The following CHRM1 variants were observed in gnomAD, a reference collection of about 807,000 sequenced individuals.
CHRM1 encodes cholinergic receptor muscarinic 1, also known as muscarinic acetylcholine receptor M1.
Under a neutral mutation model 31.6 loss-of-function variants are expected in CHRM1, and 5 were observed. The ratio of observed to expected loss-of-function variants is 0.16; its 90% confidence interval spans 0.08 to 0.33. CHRM1 has a LOEUF of 0.33. CHRM1 is among the 10% of genes least tolerant of loss of function. The probability of loss-of-function intolerance (pLI) is 1.00; values close to 1 mark genes in which losing one functional copy is unlikely to be tolerated. For missense variants in CHRM1, 338 were observed against 610.3 expected (o/e 0.55, Z 4.70); for synonymous variants, 227 against 249.7 (o/e 0.91, Z 0.86).
chr11:62,915,201 A>G (rs999787600), intron 1 of CHRM1, among the ~76,000 whole-genome samples: 11 of 151,020 alleles, frequency 7.3e-5, no homozygotes, highest in Non-Finnish European at 1.3e-4. Context: ...AAAAAAAAAA[A>G]AAGCTTGACT....
chr11:62,921,831 T>C (rs2085936172), upstream of CHRM1: 1 of 140,874 alleles, frequency 7.1e-6, no homozygotes, highest in African/African-American at 2.6e-5. Context: ...CCCACCCAAC[T>C]ACACACCCTG....
At chr11:62,920,401 C>T (rs1051595157) in intron 1 of CHRM1, among the ~76,000 whole-genome samples, 6 of 152,190 alleles carry the variant, frequency 3.9e-5, no homozygotes, top group Non-Finnish European at 7.3e-5. Context: ...AGTTCCTGGC[C>T]CCTAGCCCAT....
intron 1 of CHRM1, among the ~76,000 whole-genome samples, chr11:62,912,121 C>T (rs1436638014): frequency 6.6e-6 from 1 of 151,838 alleles, no homozygotes; most frequent in Non-Finnish European, 1.5e-5. Context: ...GTAATCCCAG[C>T]ACTTTGGGAG....
intron 1 of CHRM1, among the ~76,000 whole-genome samples, chr11:62,919,746 C>T (rs539604411): frequency 5.9e-5 from 9 of 152,310 alleles, no homozygotes; most frequent in African/African-American, 2.2e-4. Flanking sequence ...GCTCTCCCAC[C>T]CCATCTTCCT....
Position 62,909,846 on chromosome 11 carries a change from C to A in CHRM1, c.1255G>T (p.Ala419Ser), listed in dbSNP as rs1449918441. The A allele has an allele frequency of 6.2e-7, 1 of 1,614,252 alleles. No individual in the cohort carries two copies. ...TCCCGGAAGGCTTTGTTGCAGAGTG[C>A]GTAGCACATGGGGTTGATGGTGCTG... ...VNSTINPMCYALCNKAFRDTF... is the reference protein window; with the variant it reads ...VNSTINPMCYSLCNKAFRDTF... Residue 419 changes from alanine to serine, a missense_variant, in exon 2 of 2, where the codon GCA (alanine) becomes TCA (serine). Ala to Ser is a moderately conservative substitution (Grantham distance 99). Around this residue, in one of 4 missense-constraint regions of CHRM1, gnomAD observed 68 missense variants for 108.5 expected, o/e 0.63. Transcript: ENST00000306960.
chr11:62,919,698 G>A (rs151289308), intron 1 of CHRM1, among the ~76,000 whole-genome samples: 1 of 152,282 alleles, frequency 6.6e-6, no homozygotes, highest in East Asian at 1.9e-4. Context: ...CCTGCTGGGA[G>A]CCCAAGCTTC....
chr11:62,921,859 G>C (rs549131256), upstream of CHRM1: 34 of 152,182 alleles, frequency 2.2e-4, no homozygotes, highest in African/African-American at 7.0e-4. Context: ...TCCCTGCTGT[G>C]AGAGAGCTAG....
intron 1 of CHRM1, 117 bp from the exon 2 acceptor site, chr11:62,911,295 C>T (rs1310383002): frequency 1.0e-5 from 6 of 599,204 alleles, no homozygotes; most frequent in East Asian, 2.8e-5. Flanking sequence ...GATAGCATCA[C>T]CCTCCCTTAC....
At chr11:62,921,532 T>C (rs2085933883), upstream of CHRM1, 1 of 152,438 alleles carries the variant, frequency 6.6e-6, no homozygotes, top group Admixed American at 6.5e-5. Flanking sequence ...GCACCCAATT[T>C]GAGCCCCAAG....
In CHRM1 at chr11:62,911,188, G is replaced by A; in HGVS notation, c.-78-10C>T. Reference sequence around the variant, plus strand: ...AGGGGAAAGTCATCACCTGAAAAGAGAGGACATGGGCTTTGGTTGGGCCAC... The same window carrying A: ...AGGGGAAAGTCATCACCTGAAAAGAAAGGACATGGGCTTTGGTTGGGCCAC... On this transcript the variant is annotated splice_polypyrimidine_tract_variant and intron_variant, in intron 1 of 1. Coordinates refer to ENST00000306960, the MANE Select transcript of CHRM1 (RefSeq NM_000738.3). 2 of 1,289,218 alleles carry A rather than the reference G, an allele frequency of 1.6e-6. No individual in the cohort carries two copies. Among genetic ancestry groups the A allele is most frequent in the Non-Finnish European group, 2.2e-6 (2 of 929,072 alleles). The allele number at this position is 1,289,218 out of a possible 1,614,324, so 79.9% of individuals were successfully genotyped here. A position where few individuals can be genotyped will look rare whatever the true frequency, so the allele number is the denominator to read the frequency against.
chr11:62,921,149 C>T, intron 1 of CHRM1, 69 bp downstream of exon 1: 1 of 152,908 alleles, frequency 6.5e-6, no homozygotes. Context: ...CTGCCCTCCC[C>T]CGCTCCCCAG....
At chr11:62,919,665 C>T (rs1037766601) in intron 1 of CHRM1, among the ~76,000 whole-genome samples, 6 of 152,136 alleles carry the variant, frequency 3.9e-5, no homozygotes, top group Non-Finnish European at 7.4e-5. Flanking sequence ...AGAAACCCAG[C>T]GCAATTCACC....
intron 1 of CHRM1, among the ~76,000 whole-genome samples, chr11:62,914,877 A>G (rs1315676908): frequency 6.6e-6 from 1 of 152,162 alleles, no homozygotes. Flanking sequence ...TGCAGCCTTT[A>G]AAGCTTGACT....
At chr11:62,915,731 C>A (rs1384122697) in intron 1 of CHRM1, among the ~76,000 whole-genome samples, 1 of 152,116 alleles carries the variant, frequency 6.6e-6, no homozygotes, top group East Asian at 1.9e-4. Context: ...TCATCCCCAG[C>A]TGTGAGGATG....
intron 1 of CHRM1, among the ~76,000 whole-genome samples, chr11:62,914,470 T>C (rs1458918317): frequency 6.6e-6 from 1 of 152,230 alleles, no homozygotes; most frequent in Non-Finnish European, 1.5e-5. Flanking sequence ...AGTTTTGCTG[T>C]ACCCTTTCCC....
At chr11:62,912,814 G>A (rs1265637167) in intron 1 of CHRM1, among the ~76,000 whole-genome samples, 1 of 152,230 alleles carries the variant, frequency 6.6e-6, no homozygotes, top group Non-Finnish European at 1.5e-5. Context: ...CCTCAGCTGT[G>A]GCCTCCAGGG....
At position 62,910,231 on chromosome 11, in the gene CHRM1, G is replaced by A. The variant is rs377088037; in HGVS notation, c.870C>T (p.Ser290=). Residue 290 remains serine, a synonymous_variant, in exon 2 of 2, where the codon TCC becomes TCT. Transcript: ENST00000306960. The surrounding 1 kb of genome is among the most constrained non-coding windows in gnomAD (Gnocchi z 8.7). ...EDEGSMESLT[S]SEGEEPGSEV... is the part of the protein sequence containing the mutation. ...CGGAGCCAGGCTCCTCTCCCTCTGAGGATGTGAGGGACTCCATGGAGCCTT... is the reference window on the plus strand; with the variant it reads ...CGGAGCCAGGCTCCTCTCCCTCTGAAGATGTGAGGGACTCCATGGAGCCTT... 6.8e-6 allele frequency: 11 copies of A among 1,611,542 alleles called. No individual in the cohort carries two copies. The African/African-American group carries it at 1.5e-4, about 22-fold the overall frequency.
chr11:62,910,156 G>T lies in CHRM1; in HGVS notation c.945C>A (p.Thr315=). The part of the protein sequence containing the change: ...PMVDPEAQAP[T]KQPPRSSPNT... Reference sequence around the variant, plus strand: ...TTGGGGAGCTCCGTGGGGGCTGCTTGGTGGGGGCCTGTGCCTCGGGGTCCA... The same window carrying T: ...TTGGGGAGCTCCGTGGGGGCTGCTTTGTGGGGGCCTGTGCCTCGGGGTCCA... Residue 315 remains threonine (T), a synonymous_variant, in exon 2 of 2, where the codon ACC becomes ACA. Transcript: ENST00000306960. This position sits in a 1 kb window ranked among gnomAD's most constrained non-coding sequence, Gnocchi z 8.7. 6.2e-7 allele frequency: 1 copy of T among 1,605,550 alleles called. No individual in the cohort carries two copies. The highest frequency in any genetic ancestry group is 1.1e-5 in the South Asian group (1 of 89,728).
intron 1 of CHRM1, among the ~76,000 whole-genome samples, chr11:62,915,445 C>G (rs2085895521): frequency 6.6e-6 from 1 of 152,206 alleles, no homozygotes; most frequent in Non-Finnish European, 1.5e-5. Flanking sequence ...AATCCTGACC[C>G]TGGTTCCAAT....
Sources: allele counts gnomAD v4.1 joint callset (sites outside exome capture counted in the v4.1 genomes callset), GRCh38; gene constraint gnomAD v4.1.1; regional missense constraint gnomAD v4.1.1; non-coding constraint Gnocchi (gnomAD v3.1); transcripts MANE v1.5; gene names NCBI Gene and HGNC (gene_info 2026-07-23, HGNC 2026-07-21).